The following STC2 variants were observed in gnomAD, a reference collection of about 807,000 sequenced individuals.
STC2 encodes stanniocalcin 2, also known as stanniocalcin-2.
A neutral mutation model predicts 22.7 loss-of-function variants in STC2; 7 were observed. That is an observed-to-expected ratio of 0.31 (90% CI 0.18 to 0.58). The LOEUF is 0.58. Ranked by LOEUF, STC2 falls within the 20% of genes least tolerant of loss-of-function variation. STC2 has a pLI of 0.89. For synonymous variants in STC2, 158 were observed against 163.4 expected (o/e 0.97, Z 0.25); for missense variants, 336 against 406.2 (o/e 0.83, Z 1.48).
In STC2 at chr5:173,325,760, CA is replaced by C; in HGVS notation, c.294+107del. On this transcript the variant is annotated intron_variant, in intron 2 of 3. Coordinates refer to ENST00000265087, the MANE Select transcript of STC2 (RefSeq NM_003714.3). This position sits in a 1 kb window ranked among gnomAD's most constrained non-coding sequence, Gnocchi z 4.7. The stretch of plus-strand genomic sequence containing the variant: ...AGACTGTCGCTTGCAAGCACTAAAA[CA>C]CACCACAAGGAACAGCAAAGGAAGT... The C allele has an allele frequency of 6.6e-7, 1 of 1,509,760 alleles. No individual in the cohort carries two copies. Among genetic ancestry groups the C allele is most frequent in the Non-Finnish European group, 9.1e-7 (1 of 1,101,342 alleles). 93.5% of individuals were successfully genotyped at this position (1,509,760 alleles called of 1,614,324 possible). A position where few individuals can be genotyped will look rare whatever the true frequency, so the allele number is the denominator to read the frequency against.
At chr5:173,318,872 A>G (rs530231269) in intron 3 of STC2, among the ~76,000 whole-genome samples, 3 of 152,248 alleles carry the variant, frequency 2.0e-5, no homozygotes, top group Admixed American at 6.5e-5. Flanking sequence ...CTGCATCTGG[A>G]GGAGTATGGA....
rs190592708 is a variant in STC2 at position 173,325,385 on chromosome 5, C to T, written c.294+483G>A. Among the ~76,000 whole-genome samples, 163 of 152,254 alleles carry T rather than the reference C, an allele frequency of 1.1e-3. 1 individual carries two copies. The highest frequency in any genetic ancestry group is 1.9e-3 in the Non-Finnish European group (126 of 68,014). On this transcript the variant is annotated intron_variant, in intron 2 of 3. Transcript: ENST00000265087. This position sits in a 1 kb window ranked among gnomAD's most constrained non-coding sequence, Gnocchi z 4.7. Reference sequence around the variant, plus strand: ...TGAAGGACTCAATCAGGGTTTCGACCGGTCAGCTTGGGAGAGAAAGATCTG... The same window carrying T: ...TGAAGGACTCAATCAGGGTTTCGACTGGTCAGCTTGGGAGAGAAAGATCTG...
In STC2 at chr5:173,328,077, G is replaced by T; in HGVS notation, c.117C>A (p.Ser39=). 1 of 1,593,370 alleles carries T rather than the reference G, an allele frequency of 6.3e-7. No homozygotes were observed. Among genetic ancestry groups the T allele is most frequent in the South Asian group, 1.1e-5 (1 of 87,184 alleles). Residue 39 remains serine, a synonymous_variant, in exon 1 of 4, where the codon TCC becomes TCA. Coordinates refer to ENST00000265087, the MANE Select transcript of STC2 (RefSeq NM_003714.3). The part of the protein sequence containing the change: ...NPPEGPQDRS[S]QQKGRLSLQN... ...GCAGGGACAGGCGGCCTTTCTGCTGGGAGCTCCTGTCTTGGGGACCCTCGG... is the reference window on the plus strand; with the variant it reads ...GCAGGGACAGGCGGCCTTTCTGCTGTGAGCTCCTGTCTTGGGGACCCTCGG...
Position 173,323,473 on chromosome 5 carries a change from CAGA to C in STC2, c.295-46_295-44del. The C allele has an allele frequency of 2.6e-6, 4 of 1,531,190 alleles. No individual in the cohort carries two copies. The highest frequency in any genetic ancestry group is 3.6e-6 in the Non-Finnish European group (4 of 1,124,378). The allele number at this position is 1,531,190 out of a possible 1,614,324, so 94.9% of individuals were successfully genotyped here. On this transcript the variant is annotated intron_variant, in intron 2 of 3. Transcript: ENST00000265087. The surrounding 1 kb of genome is among the most constrained non-coding windows in gnomAD (Gnocchi z 5.4). ...GGGGAAGGGAGAGAGGGGCAGAAAG[CAGA>C]AGACCTCGTTACATGCTTGGACATT... is the stretch of plus-strand genomic sequence containing the variant.
Position 173,317,805 on chromosome 5 carries a change from T to G in STC2, c.*42A>C. ...TTTGGAATGTCCATAGATAAGAAAA[T>G]GGACGGCGTGGAGGAAAGATTTCGT... is the stretch of plus-strand genomic sequence containing the variant. On this transcript the variant is annotated 3_prime_UTR_variant, in exon 4 of 4. Transcript: ENST00000265087. The G allele has an allele frequency of 6.6e-7, 1 of 1,515,184 alleles. No homozygotes were observed. Among genetic ancestry groups the G allele is most frequent in the Non-Finnish European group, 8.9e-7 (1 of 1,129,538 alleles). The allele number at this position is 1,515,184 out of a possible 1,614,324, so 93.9% of individuals were successfully genotyped here. A position where few individuals can be genotyped will look rare whatever the true frequency, so the allele number is the denominator to read the frequency against.
In STC2 at chr5:173,325,195, T is replaced by G. The variant is rs1762532720; in HGVS notation, c.294+673A>C. Among the ~76,000 whole-genome samples, 1 of 152,200 alleles carries G rather than the reference T, an allele frequency of 6.6e-6. No homozygotes were observed. The highest frequency in any genetic ancestry group is 2.1e-4 in the South Asian group (1 of 4,830). On this transcript the variant is annotated intron_variant, in intron 2 of 3. Coordinates refer to ENST00000265087, the MANE Select transcript of STC2 (RefSeq NM_003714.3). The surrounding 1 kb of genome is among the most constrained non-coding windows in gnomAD (Gnocchi z 4.7). ...AAGGTGAGTCTGATGCCACATGCCA[T>G]CTAAAAATGTATTTGCGTTGTTGGC...
chr5:173,318,022 T>C lies in STC2; in HGVS notation c.734A>G (p.His245Arg), dbSNP rs200270109. The C allele has an allele frequency of 1.2e-6, 2 of 1,611,958 alleles. No homozygotes were observed. Among genetic ancestry groups the C allele is most frequent in the East Asian group, 2.2e-5 (1 of 44,816 alleles). The change falls in exon 4 of 4, where the codon CAC becomes CGC. Residue 245 changes from histidine to arginine, a missense_variant. Coordinates refer to ENST00000265087, the MANE Select transcript of STC2 (RefSeq NM_003714.3). Reference protein sequence around the residue: ...SRAHHGEAGHHLPEPSSRETG... With the variant: ...SRAHHGEAGHRLPEPSSRETG... The stretch of plus-strand genomic sequence containing the variant: ...CTCCCTACTGCTGGGCTCTGGGAGG[T>C]GATGTCCTGCTTCCCCGTGGTGGGC...
rs1762505185 is a variant in STC2 at position 173,323,138 on chromosome 5, C to T, written c.506+81G>A. 2.2e-6 allele frequency: 3 copies of T among 1,377,518 alleles called. No homozygotes were observed. The highest frequency in any genetic ancestry group is 3.1e-6 in the Non-Finnish European group (3 of 975,920). 85.3% of individuals were successfully genotyped at this position (1,377,518 alleles called of 1,614,324 possible). ...TTGACAGGCATTCAGCCTCTAGAAGCAACGCGGCTCTCCTCCCATACACAT... is the reference window on the plus strand; with the variant it reads ...TTGACAGGCATTCAGCCTCTAGAAGTAACGCGGCTCTCCTCCCATACACAT... On this transcript the variant is annotated intron_variant, in intron 3 of 3. Transcript: ENST00000265087. The surrounding 1 kb of genome is among the most constrained non-coding windows in gnomAD (Gnocchi z 5.4).
chr5:173,316,997 A>G lies in STC2; in HGVS notation c.*850T>C, dbSNP rs1679563794. 2.0e-5 allele frequency: 3 copies of G among 151,734 alleles called. No individual in the cohort carries two copies. The highest frequency in any genetic ancestry group is 7.3e-5 in the African/African-American group (3 of 41,260). The allele number at this position is 151,734 out of a possible 1,614,324, so 9.4% of individuals were successfully genotyped here. A position where few individuals can be genotyped will look rare whatever the true frequency, so the allele number is the denominator to read the frequency against. On this transcript the variant is annotated 3_prime_UTR_variant, in exon 4 of 4. Transcript: ENST00000265087. ...ATAGAACTTAAAAAAAAGAAAAATC[A>G]GCCTCAAAGGATGGGCTGGTTTTTT...
At position 173,317,597 on chromosome 5, in the gene STC2, G is replaced by A. The variant is rs143534668; in HGVS notation, c.*250C>T. 2.0e-4 allele frequency: 70 copies of A among 345,578 alleles called. No individual in the cohort carries two copies. The highest frequency in any genetic ancestry group is 1.2e-3 in the African/African-American group (59 of 47,942). The allele number at this position is 345,578 out of a possible 1,614,324, so 21.4% of individuals were successfully genotyped here. A position where few individuals can be genotyped will look rare whatever the true frequency, so the allele number is the denominator to read the frequency against. ...ACAGATGGAAAGAAGACAAAGGTACGAGGATAACGCGGGCGCGCTCCCTTG... is the reference window on the plus strand; with the variant it reads ...ACAGATGGAAAGAAGACAAAGGTACAAGGATAACGCGGGCGCGCTCCCTTG... On this transcript the variant is annotated 3_prime_UTR_variant, in exon 4 of 4. Coordinates refer to ENST00000265087, the MANE Select transcript of STC2 (RefSeq NM_003714.3).
At chr5:173,327,900 C>G (rs1762570436) in intron 1 of STC2, 143 bp downstream of exon 1, 1 of 1,109,318 alleles carries the variant, frequency 9.0e-7, no homozygotes, top group Non-Finnish European at 1.2e-6. Context: ...CCTCGCGCTT[C>G]CCTTTGCACG....
chr5:173,327,909 C>T, intron 1 of STC2, 134 bp downstream of exon 1: 2 of 1,195,372 alleles, frequency 1.7e-6, no homozygotes, highest in Non-Finnish European at 2.2e-6. Context: ...TCCCTTTGCA[C>T]GTCCCGTGCC....
intron 3 of STC2, chr5:173,322,947 A>G (rs1762503842): frequency 2.0e-6 from 1 of 494,676 alleles, no homozygotes; most frequent in East Asian, 3.8e-5. Context: ...GATGAAGAGT[A>G]TTACTGAATC....
In STC2 at chr5:173,318,069, C is replaced by A. The variant is rs1368092092; in HGVS notation, c.687G>T (p.Val229=). The change falls in exon 4 of 4, where the codon GTG becomes GTT. Residue 229 remains valine, a synonymous_variant. Coordinates refer to ENST00000265087, the MANE Select transcript of STC2 (RefSeq NM_003714.3). The part of the protein sequence containing the change: ...PTAPPERQPQ[V]DRTKLSRAHH... ...GGGCCCTGGAGAGCTTGGTTCTGTC[C>A]ACCTGGGGCTGGCGCTCGGGGGGCG... is the stretch of plus-strand genomic sequence containing the variant. 2 of 1,607,944 alleles carry A rather than the reference C, an allele frequency of 1.2e-6. No individual in the cohort carries two copies. Among genetic ancestry groups the A allele is most frequent in the Non-Finnish European group, 1.7e-6 (2 of 1,177,604 alleles).
At position 173,317,740 on chromosome 5, in the gene STC2, A is replaced by G. The variant is rs1158551814; in HGVS notation, c.*107T>C. Reference sequence around the variant, plus strand: ...TCGATGAAGTCCACAGTCCCCACAGAATCCTGCGTGTGACATCCCCCCTCT... The same window carrying G: ...TCGATGAAGTCCACAGTCCCCACAGGATCCTGCGTGTGACATCCCCCCTCT... On this transcript the variant is annotated 3_prime_UTR_variant, in exon 4 of 4. Coordinates refer to ENST00000265087, the MANE Select transcript of STC2 (RefSeq NM_003714.3). The G allele has an allele frequency of 1.1e-5, 15 of 1,418,816 alleles. No individual in the cohort carries two copies. Among genetic ancestry groups the G allele is most frequent in the Non-Finnish European group, 1.4e-5 (15 of 1,063,686 alleles). 87.9% of individuals were successfully genotyped at this position (1,418,816 alleles called of 1,614,324 possible).
At chr5:173,320,729 T>A (rs553569463) in intron 3 of STC2, among the ~76,000 whole-genome samples, 91 of 145,060 alleles carry the variant, frequency 6.3e-4, no homozygotes, top group African/African-American at 2.3e-3. Flanking sequence ...GGGGTTGGGT[T>A]GAAGAATGGG....
chr5:173,319,620 G>C (rs568712152), intron 3 of STC2, among the ~76,000 whole-genome samples: 90 of 152,364 alleles, frequency 5.9e-4, no homozygotes, highest in African/African-American at 1.9e-3. Context: ...GATGTGTGAA[G>C]TAGTTTACTG....
intron 2 of STC2, among the ~76,000 whole-genome samples, chr5:173,324,832 A>T (rs1462359080): frequency 6.6e-6 from 1 of 152,208 alleles, no homozygotes; most frequent in African/African-American, 2.4e-5. Context: ...AATTCCCGTT[A>T]ATCCAGAGTG....
At position 173,328,340 on chromosome 5, in the gene STC2, C is replaced by T; in HGVS notation, c.-147G>A. The T allele has an allele frequency of 1.1e-6, 1 of 880,988 alleles. No homozygotes were observed. The highest frequency in any genetic ancestry group is 1.6e-6 in the Non-Finnish European group (1 of 634,380). 54.6% of individuals were successfully genotyped at this position (880,988 alleles called of 1,614,324 possible). A position where few individuals can be genotyped will look rare whatever the true frequency, so the allele number is the denominator to read the frequency against. The stretch of plus-strand genomic sequence containing the variant: ...TTCCCTCCTCCTCGCGGCCGCGGCT[C>T]GGATAGAGGTTACCCAGCGCCCTCC... On this transcript the variant is annotated 5_prime_UTR_variant, in exon 1 of 4. Coordinates refer to ENST00000265087, the MANE Select transcript of STC2 (RefSeq NM_003714.3).
Sources: gnomAD v4.1 joint callset for allele counts (sites outside exome capture counted in the v4.1 genomes callset) on GRCh38, gnomAD v4.1.1 for gene constraint, Gnocchi (gnomAD v3.1) non-coding constraint, MANE v1.5 for transcripts, NCBI Gene and HGNC (gene_info 2026-07-23, HGNC 2026-07-21) for gene names.